Variants in ADGRL2 observed in about 807,000 individuals in gnomAD.
ADGRL2 encodes adhesion G protein-coupled receptor L2.
ADGRL2 carries 44 observed loss-of-function variants against 157.4 expected under a neutral mutation model. The ratio of observed to expected loss-of-function variants is 0.28; its 90% confidence interval spans 0.22 to 0.36. The LOEUF is 0.36. Ranked by LOEUF, ADGRL2 falls within the 10% of genes least tolerant of loss-of-function variation. The pLI is 1.00. For missense variants in ADGRL2, 1,510 were observed against 1,768.9 expected (o/e 0.85, Z 2.63); for synonymous variants, 585 against 624.7 (o/e 0.94, Z 0.95).
Position 81,952,151 on chromosome 1 carries a change from A to G in ADGRL2, c.1794+9A>G. Reference sequence around the variant, plus strand: ...GACGGAGTTATAACAAGGTAGAGAGAACTCTTCTGTTATTTTGAATTAGAC... The same window carrying G: ...GACGGAGTTATAACAAGGTAGAGAGGACTCTTCTGTTATTTTGAATTAGAC... On this transcript the variant is annotated intron_variant, in intron 9 of 23. Coordinates refer to ENST00000686636, the MANE Select transcript of ADGRL2 (RefSeq NM_001366006.2). The G allele has an allele frequency of 6.3e-7, 1 of 1,594,196 alleles. No individual in the cohort carries two copies. The highest frequency in any genetic ancestry group is 1.7e-5 in the Admixed American group (1 of 58,538).
intron 2 of ADGRL2, among the ~76,000 whole-genome samples, chr1:81,850,512 A>T (rs960924333): frequency 6.6e-6 from 1 of 151,958 alleles, no homozygotes; most frequent in Non-Finnish European, 1.5e-5. Flanking sequence ...TTGACTTCAA[A>T]GTGAGGTTTT....
intron 3 of ADGRL2, among the ~76,000 whole-genome samples, chr1:81,622,862 A>G (rs2081826969): frequency 6.6e-6 from 1 of 152,226 alleles, no homozygotes; most frequent in Admixed American, 6.5e-5. Context: ...TACTATTCTG[A>G]CATGATATTT....
chr1:81,481,603 A>G (rs1352143786), intron 2 of ADGRL2, among the ~76,000 whole-genome samples: 1 of 152,136 alleles, frequency 6.6e-6, no homozygotes, highest in African/African-American at 2.4e-5. Context: ...CCTCATTTTC[A>G]TCTCATTTAA....
intron 3 of ADGRL2, among the ~76,000 whole-genome samples, chr1:81,928,396 G>A (rs535642118): frequency 5.9e-5 from 9 of 152,024 alleles, no homozygotes; most frequent in Non-Finnish European, 1.3e-4. Flanking sequence ...TTATTTATGA[G>A]CAGAAATAGC....
chr1:81,643,563 C>T (rs2082261107), intron 3 of ADGRL2, among the ~76,000 whole-genome samples: 2 of 152,270 alleles, frequency 1.3e-5, no homozygotes, highest in South Asian at 2.1e-4. Flanking sequence ...CCTGCCATGG[C>T]TTCCCAAAGC....
At chr1:81,515,484 T>C (rs2079158471) in intron 2 of ADGRL2, among the ~76,000 whole-genome samples, 1 of 148,942 alleles carries the variant, frequency 6.7e-6, no homozygotes, top group Admixed American at 6.7e-5. Context: ...ACAAAATAAA[T>C]AACAGTGTTC....
intron 1 of ADGRL2, among the ~76,000 whole-genome samples, chr1:81,375,793 C>A (rs1259011397): frequency 6.6e-6 from 1 of 152,086 alleles, no homozygotes; most frequent in African/African-American, 2.4e-5. Context: ...TAGATTCAAG[C>A]TATAATATAG....
intron 3 of ADGRL2, among the ~76,000 whole-genome samples, chr1:81,607,581 A>C (rs532279347): frequency 6.6e-6 from 1 of 152,332 alleles, no homozygotes; most frequent in East Asian, 1.9e-4. Context: ...AGGACAAAAC[A>C]TGAAATTCAG....
At chr1:81,842,354 T>TTG (rs2092621669) in intron 2 of ADGRL2, among the ~76,000 whole-genome samples, 1 of 7,194 alleles carries the variant, frequency 1.4e-4, no homozygotes, top group South Asian at 0.012. Flanking sequence ...CTTTTAGCGC[T>TTG]TTTTTTTTTT....
intron 1 of ADGRL2, among the ~76,000 whole-genome samples, chr1:81,710,319 A>T (rs1041339074): frequency 6.6e-6 from 1 of 152,106 alleles, no homozygotes; most frequent in African/African-American, 2.4e-5. Flanking sequence ...ACTCTCAAAA[A>T]TTATTGAGGA....
At position 81,415,202 on chromosome 1, in the gene ADGRL2, T is replaced by C. The variant is rs188899521; in HGVS notation, c.-301-29834T>C. Among the ~76,000 whole-genome samples the C allele has an allele frequency of 5.7e-3, 863 of 152,228 alleles. 13 individuals carry two copies. The highest frequency in any genetic ancestry group is 0.053 in the East Asian group (276 of 5,178). ...TTTTACATAGAATCCAACCCACATT[T>C]GTCTTTGTTTATATGTTGCAATTAA... On this transcript the variant is annotated intron_variant, in intron 1 of 24. Transcript: ENST00000370721.
chr1:81,322,117 TATATATAC>T (rs1660558212), intron 1 of ADGRL2, among the ~76,000 whole-genome samples: 2 of 133,792 alleles, frequency 1.5e-5, no homozygotes, highest in Non-Finnish European at 3.3e-5. Flanking sequence ...TATACACATA[TATATATAC>T]ACACACACAC....
chr1:81,331,303 G>A (rs1366615130), intron 1 of ADGRL2, among the ~76,000 whole-genome samples: 4 of 152,084 alleles, frequency 2.6e-5, no homozygotes, highest in African/African-American at 4.8e-5. Flanking sequence ...AAAGAGGATC[G>A]TTTTGGAAAT....
chr1:81,837,019 G>C lies in ADGRL2; in HGVS notation c.35G>C (p.Trp12Ser). 1 of 1,593,042 alleles carries C rather than the reference G, an allele frequency of 6.3e-7. No individual in the cohort carries two copies. Among genetic ancestry groups the C allele is most frequent in the Non-Finnish European group, 8.5e-7 (1 of 1,171,392 alleles). Residue 12 changes from tryptophan (W) to serine (S), a missense_variant, in exon 2 of 24, where the codon TGG (tryptophan) becomes TCG (serine). By Grantham distance (177) the Trp-to-Ser change is radical (BLOSUM62 -3). Coordinates refer to ENST00000686636, the MANE Select transcript of ADGRL2 (RefSeq NM_001366006.2). ...TCTGGTTGCAGAATGCGAAGTCTGT[G>C]GTTTATCATTGTAATCAGCTTCTTA... is the stretch of plus-strand genomic sequence containing the variant. ...VSSGCRMRSLWFIIVISFLPN... is the reference protein window; with the variant it reads ...VSSGCRMRSLSFIIVISFLPN...
intron 2 of ADGRL2, among the ~76,000 whole-genome samples, chr1:81,519,889 TC>T (rs1300976825): frequency 6.6e-6 from 1 of 152,202 alleles, no homozygotes; most frequent in Non-Finnish European, 1.5e-5. Flanking sequence ...TAAGAGCACT[TC>T]CAATCTCCTT....
intron 2 of ADGRL2, among the ~76,000 whole-genome samples, chr1:81,446,980 A>G (rs1015002518): frequency 6.6e-6 from 1 of 152,172 alleles, no homozygotes; most frequent in Non-Finnish European, 1.5e-5. Flanking sequence ...GCTACTTAAA[A>G]AACTATTAAT....
At chr1:81,426,562 A>G (rs2077220747) in intron 1 of ADGRL2, 1 of 454,318 alleles carries the variant, frequency 2.2e-6, no homozygotes, top group Admixed American at 2.4e-5. Flanking sequence ...TAGTTGGGAA[A>G]ACTGTTTATT....
intron 1 of ADGRL2, among the ~76,000 whole-genome samples, chr1:81,757,964 G>T (rs1020055985): frequency 6.6e-6 from 1 of 152,206 alleles, no homozygotes; most frequent in South Asian, 2.1e-4. Context: ...GTAAAAACAC[G>T]ATTTCCAAGG....
intron 1 of ADGRL2, among the ~76,000 whole-genome samples, chr1:81,374,452 A>T (rs993822491): frequency 3.3e-5 from 5 of 151,990 alleles, no homozygotes; most frequent in African/African-American, 1.2e-4. Flanking sequence ...GGCACCTGTA[A>T]TCCCAGCTAC....
Sources: gnomAD v4.1 joint callset for allele counts (sites outside exome capture counted in the v4.1 genomes callset) on GRCh38, gnomAD v4.1.1 for gene constraint, MANE v1.5 for transcripts, NCBI Gene and HGNC (gene_info 2026-07-23, HGNC 2026-07-21) for gene names.